The following MIB1 variants were observed in gnomAD, a reference collection of about 807,000 sequenced individuals.
MIB1 encodes MIB E3 ubiquitin protein ligase 1, also known as E3 ubiquitin-protein ligase MIB1.
Under a neutral mutation model 124.5 loss-of-function variants are expected in MIB1, and 278 were observed. The ratio of observed to expected loss-of-function variants is 2.23; its 90% CI spans 2.02 to 2.47. The LOEUF (loss-of-function observed/expected upper bound fraction) is 2.47, where lower values mean the gene tolerates loss of function less well. Ranked by LOEUF, MIB1 falls within the 30% of genes most tolerant of loss-of-function variation. The pLI, the probability that MIB1 is intolerant of heterozygous loss-of-function variation, is 0.00. For synonymous variants in MIB1, 446 were observed against 429.4 expected, an observed-to-expected ratio of 1.04 and a Z score of -0.48; for missense variants, 957 against 1,254.4, an observed-to-expected ratio of 0.76 and a Z score of 3.58.
intron 12 of MIB1, among the ~76,000 whole-genome samples, chr18:21,834,306 A>AT (rs796375627): frequency 1.2e-4 from 18 of 151,260 alleles, no homozygotes; most frequent in East Asian, 3.9e-4. Flanking sequence ...CTGTATTATT[A>AT]TTTTTTTTTG....
At chr18:21,789,577 C>A (rs2146440366) in intron 6 of MIB1, among the ~76,000 whole-genome samples, 1 of 152,088 alleles carries the variant, frequency 6.6e-6, no homozygotes. Context: ...GAAATTGACA[C>A]ACTGATATTA....
chr18:21,706,629 C>T (rs1489551835), intron 1 of MIB1, among the ~76,000 whole-genome samples: 5 of 152,304 alleles, frequency 3.3e-5, no homozygotes, highest in South Asian at 4.1e-4. Flanking sequence ...CTGGCACCGC[C>T]GGCCCTGGCC....
chr18:21,743,851 T>G (rs1320744575), intron 1 of MIB1, among the ~76,000 whole-genome samples: 1 of 152,188 alleles, frequency 6.6e-6, no homozygotes, highest in Non-Finnish European at 1.5e-5. Flanking sequence ...TCTATATGTT[T>G]GTAGTATGGG....
chr18:21,740,630 G>A (rs186983643), upstream of MIB1, among the ~76,000 whole-genome samples: 419 of 152,282 alleles, frequency 2.8e-3, 2 homozygotes, highest in African/African-American at 9.0e-3. Context: ...CTCCAGCCCC[G>A]CCTCCAGGAC....
At chr18:21,837,480 C>T (rs560900961) in intron 12 of MIB1, among the ~76,000 whole-genome samples, 1 of 152,310 alleles carries the variant, frequency 6.6e-6, no homozygotes, top group East Asian at 1.9e-4. Context: ...TGCACTCCAG[C>T]CTGGTCGACA....
At position 21,849,183 on chromosome 18, in the gene MIB1, T is replaced by A. The variant is rs749538851; in HGVS notation, c.2394-13T>A. Reference sequence around the variant, plus strand: ...ATAAGATAGGCTTGATTTGAAATACTTTCTTTTATTAGTGGTCAAGTGGGT... The same window carrying A: ...ATAAGATAGGCTTGATTTGAAATACATTCTTTTATTAGTGGTCAAGTGGGT... On this transcript the variant is annotated splice_polypyrimidine_tract_variant and intron_variant, in intron 16 of 20. Coordinates refer to ENST00000261537, the MANE Select transcript of MIB1 (RefSeq NM_020774.4). 2 of 1,495,264 alleles carry A rather than the reference T, an allele frequency of 1.3e-6. No individual in the cohort carries two copies. The highest frequency in any genetic ancestry group is 2.7e-5 in the South Asian group (2 of 74,704). The allele number at this position is 1,495,264 out of a possible 1,614,324, so 92.6% of individuals were successfully genotyped here. A position where few individuals can be genotyped will look rare whatever the true frequency, so the allele number is the denominator to read the frequency against.
At chr18:21,840,651 ATATATATATATATATTTT>A (rs1181841561) in intron 13 of MIB1, among the ~76,000 whole-genome samples, 3,176 of 84,538 alleles carry the variant, frequency 0.038, 83 homozygotes, top group African/African-American at 0.067. Flanking sequence ...ATATATATAT[ATATATATATATATATTTT>A]TTTTTTTTTT....
At chr18:21,779,172 A>G (rs986189028) in intron 5 of MIB1, among the ~76,000 whole-genome samples, 1 of 152,180 alleles carries the variant, frequency 6.6e-6, no homozygotes, top group Non-Finnish European at 1.5e-5. Flanking sequence ...CCAGGCATAA[A>G]AGTGAGTATT....
intron 4 of MIB1, among the ~76,000 whole-genome samples, chr18:21,775,206 A>G (rs1055679822): frequency 8.5e-5 from 13 of 152,090 alleles, no homozygotes; most frequent in African/African-American, 2.9e-4. Flanking sequence ...CGGCCTCCCA[A>G]AGTGCTGGGA....
intron 12 of MIB1, among the ~76,000 whole-genome samples, chr18:21,820,361 C>A (rs1432316730): frequency 3.9e-5 from 6 of 152,150 alleles, no homozygotes; most frequent in Middle Eastern, 3.2e-3. Flanking sequence ...GAAAAATCTT[C>A]ACTTTGATTT....
intron 4 of MIB1, 62 bp downstream of exon 4, chr18:21,773,790 G>T: frequency 1.0e-6 from 1 of 952,520 alleles, no homozygotes; most frequent in Non-Finnish European, 1.6e-6. Context: ...AGCTCTTACT[G>T]CTCTTTTATT....
chr18:21,835,372 A>G (rs990816942), intron 12 of MIB1, among the ~76,000 whole-genome samples: 1 of 152,164 alleles, frequency 6.6e-6, no homozygotes, highest in African/African-American at 2.4e-5. Context: ...CGGCAGGACA[A>G]ATTGAATGTG....
Position 21,721,159 on chromosome 18 carries a change from G to GTTTGTTTTTTTTTTTTTTTTTTTTTTTT in MIB1, n.167+16039_167+16040insGTTTTTTTTTTTTTTTTTTTTTTTTTTT, listed in dbSNP as rs2040712847. On this transcript the variant is annotated intron_variant and non_coding_transcript_variant, in intron 1 of 20. Transcript: ENST00000578646. ...TGAAAGATTTAAACATTTTAAAGAAGTTTTTTTTTTTTTTTTTTTTTTTTT... is the reference window on the plus strand; with the variant it reads ...TGAAAGATTTAAACATTTTAAAGAAGTTTGTTTTTTTTTTTTTTTTTTTTTTTTTTTTTTTTTTTTTTTTTTTTTTTTT... Among the ~76,000 whole-genome samples the GTTTGTTTTTTTTTTTTTTTTTTTTTTTT allele has an allele frequency of 1.7e-4, 5 of 29,758 alleles. 1 individual carries two copies. Among genetic ancestry groups the GTTTGTTTTTTTTTTTTTTTTTTTTTTTT allele is most frequent in the Admixed American group, 5.3e-4 (1 of 1,898 alleles). The allele number at this position is 29,758 out of a possible 152,430, so 19.5% of individuals were successfully genotyped here.
Position 21,803,969 on chromosome 18 carries a change from C to T in MIB1, c.1434C>T (p.Asp478=). Residue 478 remains aspartate, a synonymous_variant, in exon 10 of 21, where the codon GAC becomes GAT. Transcript: ENST00000261537. ...CTGCTAGTCAGAATGGACATGTTGACATTTTGAAGTTACTTTTGAAGCAAA... is the reference window on the plus strand; with the variant it reads ...CTGCTAGTCAGAATGGACATGTTGATATTTTGAAGTTACTTTTGAAGCAAA... The part of the protein sequence containing the change: ...MQAASQNGHV[D]ILKLLLKQNV... The T allele has an allele frequency of 1.2e-6, 2 of 1,613,718 alleles. No individual in the cohort carries two copies.
chr18:21,763,763 T>C (rs2041125716), intron 1 of MIB1, among the ~76,000 whole-genome samples: 1 of 152,076 alleles, frequency 6.6e-6, no homozygotes, highest in Admixed American at 6.6e-5. Flanking sequence ...GCCCTAAATA[T>C]CTCTGGAACC....
intron 6 of MIB1, among the ~76,000 whole-genome samples, chr18:21,781,781 T>C (rs1347655105): frequency 6.6e-6 from 1 of 152,116 alleles, no homozygotes; most frequent in Non-Finnish European, 1.5e-5. Flanking sequence ...CTATTTCTTC[T>C]AGATTTTTCA....
chr18:21,717,045 C>T (rs982565025), intron 1 of MIB1, among the ~76,000 whole-genome samples: 1 of 152,094 alleles, frequency 6.6e-6, no homozygotes. Context: ...ATGGTACTGG[C>T]ATAAAAATAA....
intron 1 of MIB1, among the ~76,000 whole-genome samples, chr18:21,716,345 A>G (rs1318473183): frequency 6.6e-6 from 1 of 152,246 alleles, no homozygotes; most frequent in Non-Finnish European, 1.5e-5. Flanking sequence ...AACCAGCACT[A>G]TAAGAACTAC....
At chr18:21,811,164 A>G (rs2041768989) in intron 10 of MIB1, among the ~76,000 whole-genome samples, 1 of 152,182 alleles carries the variant, frequency 6.6e-6, no homozygotes, top group Non-Finnish European at 1.5e-5. Flanking sequence ...CCAAAATGAC[A>G]GTGAGATACT....
Sources: gnomAD v4.1 joint callset for allele counts (sites outside exome capture counted in the v4.1 genomes callset) on GRCh38, gnomAD v4.1.1 for gene constraint, MANE v1.5 for transcripts, NCBI Gene and HGNC (gene_info 2026-07-23, HGNC 2026-07-21) for gene names.